The following CCSER1 variants were observed in gnomAD, a reference collection of about 807,000 sequenced individuals.
CCSER1 encodes the protein coiled-coil serine rich protein 1.
Under a neutral mutation model 82.0 loss-of-function variants are expected in CCSER1, and 41 were observed. The observed-to-expected ratio is 0.50, with a 90% CI of 0.39 to 0.65. CCSER1 has a LOEUF of 0.65. CCSER1 is among the 30% of genes least tolerant of loss of function. CCSER1 has a pLI of 0.00. For synonymous variants in CCSER1, 414 were observed against 383.9 expected, an observed-to-expected ratio of 1.08 and a Z score of -0.92; for missense variants, 1,119 against 1,064.2, an observed-to-expected ratio of 1.05 and a Z score of -0.72.
intron 1 of CCSER1, among the ~76,000 whole-genome samples, chr4:90,265,949 TTGC>T (rs1725161096): frequency 6.6e-6 from 1 of 152,146 alleles, no homozygotes; most frequent in African/African-American, 2.4e-5. Context: ...TTCAGATATT[TTGC>T]ACCAAGATAT....
At position 90,425,800 on chromosome 4, in the gene CCSER1, C is replaced by CT. The variant is rs562303776; in HGVS notation, c.1603+25676dup. Among the ~76,000 whole-genome samples the CT allele has an allele frequency of 2.8e-4, 43 of 152,244 alleles. No individual in the cohort carries two copies. In the South Asian group the frequency reaches 8.7e-3, roughly 31 times the overall value. On this transcript the variant is annotated intron_variant, in intron 4 of 10. Coordinates refer to ENST00000509176, the MANE Select transcript of CCSER1 (RefSeq NM_001145065.2). ...AAGTTCTCAAGCTTCAACACCACCA[C>CT]TTTTTCTACACACTAAACTTGACTT...
chr4:90,638,776 G>A (rs934261045), intron 6 of CCSER1, among the ~76,000 whole-genome samples: 7 of 152,060 alleles, frequency 4.6e-5, no homozygotes, highest in Non-Finnish European at 7.4e-5. Context: ...GGAGAGATTA[G>A]AGAAGGTGGA....
chr4:90,752,685 C>G (rs946390541), intron 7 of CCSER1, among the ~76,000 whole-genome samples: 1 of 152,022 alleles, frequency 6.6e-6, no homozygotes, highest in African/African-American at 2.4e-5. Flanking sequence ...AGCCTCTTCT[C>G]CAGATATACT....
chr4:90,747,082 G>A (rs1351993943), intron 7 of CCSER1, among the ~76,000 whole-genome samples: 6 of 152,020 alleles, frequency 3.9e-5, no homozygotes. Flanking sequence ...GAAGAGAAAA[G>A]GAGGGTAAGG....
At chr4:91,466,198 C>A (rs1756894258) in intron 10 of CCSER1, among the ~76,000 whole-genome samples, 1 of 152,152 alleles carries the variant, frequency 6.6e-6, no homozygotes, top group African/African-American at 2.4e-5. Context: ...GCTGGTTCAA[C>A]ATATGCAAAT....
At position 90,664,077 on chromosome 4, in the gene CCSER1, C is replaced by A. The variant is rs1015278189; in HGVS notation, c.1932+35845C>A. 5.6e-5 allele frequency: 9 copies of A among 161,162 alleles called. 1 individual carries two copies. The Admixed American group carries it at 5.7e-4, about 10-fold the overall frequency. 10.0% of individuals were successfully genotyped at this position (161,162 alleles called of 1,614,324 possible). A position where few individuals can be genotyped will look rare whatever the true frequency, so the allele number is the denominator to read the frequency against. On this transcript the variant is annotated intron_variant, in intron 6 of 10. Transcript: ENST00000509176. The stretch of plus-strand genomic sequence containing the variant: ...TACTTAGTTTACAAGATATTTTATA[C>A]AAATAACTGTTTTGGCACATTCATG...
intron 10 of CCSER1, among the ~76,000 whole-genome samples, chr4:91,400,492 T>A (rs1752249341): frequency 1.3e-5 from 2 of 150,098 alleles, no homozygotes; most frequent in Admixed American, 6.8e-5. Flanking sequence ...ACTTGTAGAA[T>A]ACCTAATTTG....
chr4:90,999,714 T>C (rs559067689), intron 9 of CCSER1, among the ~76,000 whole-genome samples: 3 of 152,326 alleles, frequency 2.0e-5, no homozygotes, highest in African/African-American at 7.2e-5. Context: ...TCTTTTGCTG[T>C]GCAGAAGCTC....
In CCSER1 at chr4:90,468,221, T is replaced by G. The variant is rs1187687874; in HGVS notation, c.1604-13T>G. The G allele has an allele frequency of 1.3e-6, 2 of 1,578,646 alleles. No homozygotes were observed. Among genetic ancestry groups the G allele is most frequent in the Non-Finnish European group, 1.7e-6 (2 of 1,162,108 alleles). ...AATTTTGACATTTACAATTCCTCGG[T>G]TTTTTTGAACAGTTTGCCGGGAGGA... is the stretch of plus-strand genomic sequence containing the variant. On this transcript the variant is annotated splice_polypyrimidine_tract_variant and intron_variant, in intron 4 of 10. Coordinates refer to ENST00000509176, the MANE Select transcript of CCSER1 (RefSeq NM_001145065.2).
chr4:90,496,299 A>G (rs907049778), intron 5 of CCSER1, among the ~76,000 whole-genome samples: 18 of 152,178 alleles, frequency 1.2e-4, no homozygotes, highest in African/African-American at 4.1e-4. Flanking sequence ...GATTTATTTA[A>G]AAATAGAAAA....
intron 5 of CCSER1, among the ~76,000 whole-genome samples, chr4:90,609,425 T>C (rs1324207975): frequency 6.6e-6 from 1 of 152,192 alleles, no homozygotes; most frequent in East Asian, 1.9e-4. Flanking sequence ...AAAAAGATTA[T>C]ACCAGTATTA....
intron 10 of CCSER1, among the ~76,000 whole-genome samples, chr4:91,183,395 G>C (rs1581728828): frequency 6.6e-6 from 1 of 151,940 alleles, no homozygotes; most frequent in South Asian, 2.1e-4. Flanking sequence ...AACATTTTCA[G>C]CACCTTCAAT....
At chr4:91,358,698 GATGTCCGGAC>G (rs1368683206) in intron 10 of CCSER1, among the ~76,000 whole-genome samples, 3 of 152,288 alleles carry the variant, frequency 2.0e-5, no homozygotes, top group South Asian at 4.1e-4. Flanking sequence ...CCAAGTTTCA[GATGTCCGGAC>G]TCCAAGTGCC....
At chr4:91,093,499 C>T (rs1375621574) in intron 10 of CCSER1, among the ~76,000 whole-genome samples, 3 of 152,214 alleles carry the variant, frequency 2.0e-5, no homozygotes, top group Non-Finnish European at 4.4e-5. Flanking sequence ...TTAAAGTCAC[C>T]ACCACATGGG....
chr4:90,267,911 A>G (rs1725529121), intron 1 of CCSER1, among the ~76,000 whole-genome samples: 2 of 152,214 alleles, frequency 1.3e-5, no homozygotes, highest in Admixed American at 1.3e-4. Context: ...GGGAATAGAA[A>G]CAAATAACCT....
At chr4:90,622,665 G>A (rs113792412) in intron 5 of CCSER1, among the ~76,000 whole-genome samples, 4,283 of 151,962 alleles carry the variant, frequency 0.028, 194 homozygotes, top group African/African-American at 0.099. Flanking sequence ...CCAGTCTATC[G>A]TTGATGGACA....
chr4:90,722,793 C>G (rs757522138), intron 6 of CCSER1, among the ~76,000 whole-genome samples: 1 of 151,826 alleles, frequency 6.6e-6, no homozygotes, highest in Non-Finnish European at 1.5e-5. Context: ...CATAAGTAGT[C>G]CCAACTTAAT....
At chr4:91,485,921 A>G (rs779500787) in intron 10 of CCSER1, among the ~76,000 whole-genome samples, 2 of 152,130 alleles carry the variant, frequency 1.3e-5, no homozygotes, top group African/African-American at 2.4e-5. Context: ...CTACATGAAT[A>G]TATTTTAAAT....
At chr4:90,630,344 A>G (rs1414100715) in intron 6 of CCSER1, among the ~76,000 whole-genome samples, 3 of 152,204 alleles carry the variant, frequency 2.0e-5, no homozygotes, top group Non-Finnish European at 2.9e-5. Context: ...AAAGCAAAAG[A>G]TAAGTAGAAA....
Sources: gnomAD v4.1 joint callset for allele counts (sites outside exome capture counted in the v4.1 genomes callset) on GRCh38, gnomAD v4.1.1 for gene constraint, MANE v1.5 for transcripts, NCBI Gene and HGNC (gene_info 2026-07-23, HGNC 2026-07-21) for gene names.